Variants in FRMPD1 observed in about 807,000 individuals in gnomAD.
FRMPD1 encodes the protein FERM and PDZ domain-containing protein 1.
A neutral mutation model predicts 117.8 loss-of-function variants in FRMPD1; 76 were observed. That is an observed-to-expected ratio of 0.65 (90% confidence interval 0.54 to 0.78). FRMPD1 has a LOEUF of 0.78. FRMPD1 is among the 30% of genes least tolerant of loss of function. FRMPD1 has a pLI of 0.00. For missense variants in FRMPD1, 1,786 were observed against 1,964.5 expected (o/e 0.91, Z 1.72); for synonymous variants, 783 against 770.4 (o/e 1.02, Z -0.27).
In FRMPD1 at chr9:37,740,913, A is replaced by G. The variant is rs769177410; in HGVS notation, c.2356+29A>G. On this transcript the variant is annotated intron_variant, in intron 15 of 15. Transcript: ENST00000377765. This position sits in a 1 kb window ranked among gnomAD's most constrained non-coding sequence, Gnocchi z 4.2. Reference sequence around the variant, plus strand: ...AGCCGTCCCTTGCAGGTCTGCAGACACGGCAGGCAGCTCCTGAGTGCCTCC... The same window carrying G: ...AGCCGTCCCTTGCAGGTCTGCAGACGCGGCAGGCAGCTCCTGAGTGCCTCC... The G allele has an allele frequency of 6.3e-7, 1 of 1,575,830 alleles. No individual in the cohort carries two copies. The highest frequency in any genetic ancestry group is 8.7e-7 in the Non-Finnish European group (1 of 1,145,104).
intron 2 of FRMPD1, among the ~76,000 whole-genome samples, chr9:37,706,571 T>C (rs994022709): frequency 6.6e-6 from 1 of 152,194 alleles, no homozygotes; most frequent in Admixed American, 6.5e-5. Context: ...TTGCCACAGG[T>C]GAATGACAAA....
At chr9:37,657,758 T>C (rs1218249124) in intron 1 of FRMPD1, among the ~76,000 whole-genome samples, 2 of 152,188 alleles carry the variant, frequency 1.3e-5, no homozygotes, top group Non-Finnish European at 2.9e-5. Flanking sequence ...TTCACACATA[T>C]GTTTCCAGAT....
chr9:37,651,246 C>T (rs1465396077), intron 1 of FRMPD1, among the ~76,000 whole-genome samples, 152 bp downstream of exon 1: 1 of 152,234 alleles, frequency 6.6e-6, no homozygotes, highest in East Asian at 1.9e-4. Flanking sequence ...GTCCCCAAGC[C>T]CGGCTCGGGG....
rs200740737 is a variant in FRMPD1, at chr9:37,746,566, C to T, written c.4534C>T (p.Arg1512Cys). ...GLCFQFTDCS[R>C]CSARHREAAG... ...GTGCTTTCAGTTCACAGACTGTAGC[C>T]GCTGCTCCGCCCGGCACAGGGAGGC... Residue 1512 changes from arginine (R) to cysteine (C), a missense_variant, in exon 16 of 16, where the codon CGC becomes TGC. Arg to Cys is a radical substitution (Grantham distance 180). Coordinates refer to ENST00000377765, the MANE Select transcript of FRMPD1 (RefSeq NM_014907.3). 95 of 1,613,744 alleles carry T rather than the reference C, an allele frequency of 5.9e-5. No homozygotes were observed. The Admixed American group carries it at 1.3e-3, about 22-fold the overall frequency.
chr9:37,650,698 A>G (rs1484018518), upstream of FRMPD1, among the ~76,000 whole-genome samples: 1 of 152,074 alleles, frequency 6.6e-6, no homozygotes, highest in Non-Finnish European at 1.5e-5. Context: ...CTGGGTACTC[A>G]GCGGACGCTG....
chr9:37,711,209 A>T, intron 4 of FRMPD1, 141 bp from the exon 5 acceptor site: 3 of 647,164 alleles, frequency 4.6e-6, no homozygotes, highest in Non-Finnish European at 8.3e-6. Flanking sequence ...GAGCCAAAAA[A>T]GCTAAGGCAA....
intron 13 of FRMPD1, among the ~76,000 whole-genome samples, 176 bp downstream of exon 13, chr9:37,735,910 C>T (rs1357972328): frequency 6.6e-6 from 1 of 152,132 alleles, no homozygotes; most frequent in Non-Finnish European, 1.5e-5. Flanking sequence ...GTAAATTTTC[C>T]TGAAGAGGTC....
chr9:37,624,345 C>T, the FRMPD1 span, among the ~76,000 whole-genome samples: 1 of 152,204 alleles, frequency 6.6e-6, no homozygotes, highest in Non-Finnish European at 1.5e-5. Flanking sequence ...TCAGGGCACA[C>T]AGCAGGAGAC....
intron 1 of FRMPD1, among the ~76,000 whole-genome samples, chr9:37,655,943 T>A (rs1194263053): frequency 6.6e-6 from 1 of 152,188 alleles, no homozygotes; most frequent in Non-Finnish European, 1.5e-5. Flanking sequence ...CTTAGGAAGC[T>A]GTCTTCCAGA....
chr9:37,656,818 A>T (rs1160550715), intron 1 of FRMPD1, among the ~76,000 whole-genome samples: 1 of 152,144 alleles, frequency 6.6e-6, no homozygotes, highest in African/African-American at 2.4e-5. Flanking sequence ...TCAGGAACTC[A>T]TCTGATGTTT....
chr9:37,650,341 T>A (rs529628513), upstream of FRMPD1, among the ~76,000 whole-genome samples: 5 of 152,110 alleles, frequency 3.3e-5, no homozygotes, highest in South Asian at 1.0e-3. Flanking sequence ...GAGCTTCTGG[T>A]TTGAGGAACC....
upstream of FRMPD1, among the ~76,000 whole-genome samples, chr9:37,645,979 G>A (rs1824133211): frequency 6.6e-6 from 1 of 152,184 alleles, no homozygotes; most frequent in Admixed American, 6.5e-5. Context: ...AGCTCAGAGA[G>A]GTGAGGCGAT....
rs535159895 is a variant in FRMPD1 at position 37,738,182 on chromosome 9, A to G, written c.1549+939A>G. Among the ~76,000 whole-genome samples, 162 of 152,382 alleles carry G rather than the reference A, an allele frequency of 1.1e-3. 1 individual carries two copies. Among genetic ancestry groups the G allele is most frequent in the African/African-American group, 3.8e-3 (158 of 41,592 alleles). On this transcript the variant is annotated intron_variant, in intron 14 of 15. Transcript: ENST00000377765. ...CAGGCTACCACGATATGATGATACC[A>G]TGATGAATGTGGAGATGGGAAGAGG...
At chr9:37,727,308 G>T (rs1449875427) in intron 7 of FRMPD1, among the ~76,000 whole-genome samples, 2 of 152,116 alleles carry the variant, frequency 1.3e-5, no homozygotes, top group African/African-American at 4.8e-5. Context: ...GCCACATAGT[G>T]AGTATTTTAG....
At chr9:37,624,451 C>CAGAAA in the FRMPD1 span, among the ~76,000 whole-genome samples, 1 of 152,144 alleles carries the variant, frequency 6.6e-6, no homozygotes, top group East Asian at 1.9e-4. Context: ...CATATTCTTG[C>CAGAAA]TTTTATATTT....
chr9:37,737,736 T>C (rs1477824243), intron 14 of FRMPD1, among the ~76,000 whole-genome samples: 1 of 147,652 alleles, frequency 6.8e-6, no homozygotes, highest in Non-Finnish European at 1.5e-5. Context: ...GGCAAGAGAA[T>C]CGCTTGAACC....
In FRMPD1 at chr9:37,744,376, T is replaced by C. The variant is rs1824574883; in HGVS notation, c.2357-13T>C. On this transcript the variant is annotated splice_polypyrimidine_tract_variant and intron_variant, in intron 15 of 15. Coordinates refer to ENST00000377765, the MANE Select transcript of FRMPD1 (RefSeq NM_014907.3). ...TGTGCTTTTTAATGTATTTTTTCTTTCCTGACTCCCAGGGCCCAGAGATGT... is the reference window on the plus strand; with the variant it reads ...TGTGCTTTTTAATGTATTTTTTCTTCCCTGACTCCCAGGGCCCAGAGATGT... The C allele has an allele frequency of 1.9e-6, 3 of 1,557,140 alleles. No individual in the cohort carries two copies. The highest frequency in any genetic ancestry group is 2.6e-6 in the Non-Finnish European group (3 of 1,152,814).
chr9:37,638,160 G>T, the FRMPD1 span, among the ~76,000 whole-genome samples: 1 of 151,302 alleles, frequency 6.6e-6, no homozygotes, highest in Non-Finnish European at 1.5e-5. Flanking sequence ...TGCAACCTCT[G>T]CCTCCTAGGT....
chr9:37,603,488 A>C, the FRMPD1 span, among the ~76,000 whole-genome samples: 1 of 152,202 alleles, frequency 6.6e-6, no homozygotes, highest in African/African-American at 2.4e-5. Context: ...GGGACACAAT[A>C]GTTCGACCGC....
Sources: allele counts gnomAD v4.1 joint callset (sites outside exome capture counted in the v4.1 genomes callset), GRCh38; gene constraint gnomAD v4.1.1; non-coding constraint Gnocchi (gnomAD v3.1); transcripts MANE v1.5; gene names NCBI Gene and HGNC (gene_info 2026-07-23, HGNC 2026-07-21).